ZBTB44: variants seen among roughly 807,000 people sequenced by gnomAD.
ZBTB44 encodes zinc finger and BTB domain containing 44, also known as zinc finger and BTB domain-containing protein 44.
In ZBTB44, 15 loss-of-function variants were observed where a neutral mutation model predicts 54.0. That is an observed-to-expected ratio of 0.28 (90% confidence interval 0.19 to 0.43). The LOEUF is 0.43. Among genes scored for constraint, ZBTB44 ranks in the 20% least tolerant of loss-of-function variants. The pLI is 1.00. For synonymous variants in ZBTB44, 230 were observed against 250.1 expected, an observed-to-expected ratio of 0.92 and a Z score of 0.76; for missense variants, 487 against 707.1, an observed-to-expected ratio of 0.69 and a Z score of 3.53.
At chr11:130,271,096 C>G (rs1339544472) in intron 1 of ZBTB44, among the ~76,000 whole-genome samples, 1 of 152,146 alleles carries the variant, frequency 6.6e-6, no homozygotes, top group African/African-American at 2.4e-5. Context: ...TTGCACATAA[C>G]ATACAACAGA....
Position 130,261,366 on chromosome 11 carries a change from C to A in ZBTB44, c.508G>T (p.Val170Leu), listed in dbSNP as rs770042524. ...CGGCAGACAGGAATGGTTCTTTCTA[C>A]CACACTGCACTCTGAGGACACGGGA... The part of the protein sequence containing the change: ...ISPVSSECSV[V>L]ERTIPVCRES... The change falls in exon 2 of 8, where the codon GTA becomes TTA. Residue 170 changes from valine to leucine, a missense_variant. Physicochemically the swap from Val to Leu is conservative, Grantham distance 32. Around this residue, in one of 3 missense-constraint regions of ZBTB44, gnomAD observed 277 missense variants for 306.5 expected, o/e 0.90. Transcript: ENST00000357899. This position sits in a 1 kb window ranked among gnomAD's most constrained non-coding sequence, Gnocchi z 4.8. 4 of 1,613,956 alleles carry A rather than the reference C, an allele frequency of 2.5e-6. No individual in the cohort carries two copies. In the South Asian group the frequency reaches 4.4e-5, roughly 18 times the overall value.
At chr11:130,258,830 T>C (rs1938632143) in intron 2 of ZBTB44, among the ~76,000 whole-genome samples, 1 of 152,184 alleles carries the variant, frequency 6.6e-6, no homozygotes, top group Admixed American at 6.5e-5. Flanking sequence ...TTTATAAATA[T>C]ACAAGTTGCC....
chr11:130,228,080 C>T lies in ZBTB44; in HGVS notation c.*3684G>A, dbSNP rs527417457. Reference sequence around the variant, plus strand: ...GAGGCACAAAGAAGCCATATACTATCCTCCAAGTTGGACATAAGGTGCCAC... The same window carrying T: ...GAGGCACAAAGAAGCCATATACTATTCTCCAAGTTGGACATAAGGTGCCAC... On this transcript the variant is annotated 3_prime_UTR_variant, in exon 8 of 8. Coordinates refer to ENST00000357899, the MANE Select transcript of ZBTB44 (RefSeq NM_001301098.2). 6.6e-6 allele frequency: 1 copy of T among 152,268 alleles called. No individual in the cohort carries two copies. The highest frequency in any genetic ancestry group is 2.4e-5 in the African/African-American group (1 of 41,556). 9.4% of individuals were successfully genotyped at this position (152,268 alleles called of 1,614,324 possible).
chr11:130,283,764 G>A (rs886753455), intron 1 of ZBTB44, among the ~76,000 whole-genome samples: 1 of 149,816 alleles, frequency 6.7e-6, no homozygotes, highest in Non-Finnish European at 1.5e-5. Context: ...TCAGGAATTT[G>A]AGATCCACCT....
chr11:130,260,570 A>G (rs1938789806), intron 2 of ZBTB44, among the ~76,000 whole-genome samples: 1 of 152,230 alleles, frequency 6.6e-6, no homozygotes, highest in Non-Finnish European at 1.5e-5. Flanking sequence ...TTTTCAATAC[A>G]TATTTTAATG....
intron 1 of ZBTB44, among the ~76,000 whole-genome samples, chr11:130,273,941 A>G (rs1262403591): frequency 6.7e-6 from 1 of 148,302 alleles, no homozygotes; most frequent in African/African-American, 2.5e-5. Flanking sequence ...CAAAAAAATT[A>G]GTTTGACGTG....
At chr11:130,271,651 T>C (rs1056533243) in intron 1 of ZBTB44, among the ~76,000 whole-genome samples, 20 of 152,246 alleles carry the variant, frequency 1.3e-4, no homozygotes, top group Middle Eastern at 3.2e-3. Context: ...TGTTCTACCA[T>C]GTATCATGCC....
At chr11:130,273,143 T>C (rs752620655) in intron 1 of ZBTB44, among the ~76,000 whole-genome samples, 35 of 152,324 alleles carry the variant, frequency 2.3e-4, no homozygotes, top group Non-Finnish European at 4.3e-4. Flanking sequence ...AGAATACTGC[T>C]ATCTTTACAA....
chr11:130,239,631 GA>G (rs573931712), intron 3 of ZBTB44, 180 bp downstream of exon 3: 2,478 of 410,918 alleles, frequency 6.0e-3, no homozygotes, highest in South Asian at 7.6e-3. Context: ...AAATGCTGGG[GA>G]AAAAAAAAAG....
intron 2 of ZBTB44, 127 bp from the exon 3 acceptor site, chr11:130,240,023 TC>T: frequency 1.7e-6 from 1 of 582,192 alleles, no homozygotes; most frequent in Non-Finnish European, 2.9e-6. Flanking sequence ...GAATTATTAA[TC>T]CAAAGTAGTG....
At chr11:130,308,314 G>A (rs1942392461) in intron 1 of ZBTB44, among the ~76,000 whole-genome samples, 1 of 152,190 alleles carries the variant, frequency 6.6e-6, no homozygotes, top group African/African-American at 2.4e-5. Flanking sequence ...TACAGCATCA[G>A]TCATGTAGTT....
intron 2 of ZBTB44, among the ~76,000 whole-genome samples, chr11:130,251,188 G>A (rs1296761725): frequency 6.6e-6 from 1 of 152,128 alleles, no homozygotes; most frequent in Non-Finnish European, 1.5e-5. Context: ...GCGGAAGAAA[G>A]ATAACAGAGA....
At chr11:130,256,069 G>A (rs1938423105) in intron 2 of ZBTB44, among the ~76,000 whole-genome samples, 1 of 152,012 alleles carries the variant, frequency 6.6e-6, no homozygotes, top group African/African-American at 2.4e-5. Context: ...GAAAAAGAGG[G>A]ACTCCTCCCT....
chr11:130,238,380 T>C (rs768199547), intron 4 of ZBTB44, 64 bp downstream of exon 4: 59 of 1,432,908 alleles, frequency 4.1e-5, no homozygotes, highest in Non-Finnish European at 5.2e-5. Flanking sequence ...CTATTTTAAC[T>C]GGGACTGCAA....
intron 1 of ZBTB44, among the ~76,000 whole-genome samples, chr11:130,291,709 T>C (rs1941308548): frequency 6.6e-6 from 1 of 152,232 alleles, no homozygotes; most frequent in Admixed American, 6.5e-5. Flanking sequence ...TACCAGGGTA[T>C]ACACTCTAAT....
intron 1 of ZBTB44, chr11:130,310,412 T>C (rs150797804): frequency 1.6e-3 from 239 of 151,444 alleles, no homozygotes; most frequent in African/African-American, 5.3e-3. Context: ...TTATCAGTAG[T>C]AGGATCACAT....
At chr11:130,313,950 A>C (rs200367279) in intron 1 of ZBTB44, among the ~76,000 whole-genome samples, 1 of 18,474 alleles carries the variant, frequency 5.4e-5, no homozygotes, top group Non-Finnish European at 2.3e-4. Context: ...GTGTGTGTGT[A>C]TATATATATA....
intron 1 of ZBTB44, among the ~76,000 whole-genome samples, chr11:130,294,365 T>A (rs1941497709): frequency 6.6e-6 from 1 of 151,726 alleles, no homozygotes; most frequent in Non-Finnish European, 1.5e-5. Flanking sequence ...TGAGCTGAGA[T>A]CACGCCACTG....
chr11:130,310,692 T>A (rs1357297787), intron 1 of ZBTB44, among the ~76,000 whole-genome samples: 1 of 152,172 alleles, frequency 6.6e-6, no homozygotes, highest in East Asian at 1.9e-4. Context: ...TAAACAATAC[T>A]TCATCTTTAA....
Sources: allele counts gnomAD v4.1 joint callset (sites outside exome capture counted in the v4.1 genomes callset), GRCh38; gene constraint gnomAD v4.1.1; regional missense constraint gnomAD v4.1.1; non-coding constraint Gnocchi (gnomAD v3.1); transcripts MANE v1.5; gene names NCBI Gene and HGNC (gene_info 2026-07-23, HGNC 2026-07-21).